The following DOCK9 variants were observed in gnomAD, a reference collection of about 807,000 sequenced individuals.
The protein encoded by DOCK9 is dedicator of cytokinesis protein 9.
In DOCK9, 89 loss-of-function variants were observed where a neutral mutation model predicts 263.3. The observed-to-expected ratio is 0.34, with a 90% CI of 0.28 to 0.40. The LOEUF is 0.40. DOCK9 is among the 10% of genes least tolerant of loss of function. The pLI is 1.00. For missense variants in DOCK9, 2,140 were observed against 2,603.4 expected, an observed-to-expected ratio of 0.82 and a Z score of 3.87; for synonymous variants, 976 against 973.1, an observed-to-expected ratio of 1.00 and a Z score of -0.06.
chr13:98,917,114 C>G (rs1374690976), intron 7 of DOCK9, among the ~76,000 whole-genome samples: 1 of 152,132 alleles, frequency 6.6e-6, no homozygotes, highest in Non-Finnish European at 1.5e-5. Context: ...GAAGAGACTT[C>G]CATTGAAGTC....
chr13:99,033,596 G>T (rs772285540), intron 1 of DOCK9, among the ~76,000 whole-genome samples: 7 of 152,226 alleles, frequency 4.6e-5, no homozygotes, highest in Non-Finnish European at 8.8e-5. Flanking sequence ...TGATCGCGCA[G>T]GTGGTCTAAA....
At chr13:98,980,488 C>T (rs1302756279), upstream of DOCK9, among the ~76,000 whole-genome samples, 1 of 152,228 alleles carries the variant, frequency 6.6e-6, no homozygotes, top group Non-Finnish European at 1.5e-5. Context: ...TGCTAAAAGG[C>T]ACAATACCAA....
chr13:99,049,247 C>T (rs1276114417), intron 1 of DOCK9, among the ~76,000 whole-genome samples: 1 of 152,140 alleles, frequency 6.6e-6, no homozygotes, highest in Non-Finnish European at 1.5e-5. Flanking sequence ...ATCCACATAC[C>T]TTATCACCCC....
chr13:98,997,196 C>G (rs142056427), intron 1 of DOCK9, among the ~76,000 whole-genome samples: 355 of 152,352 alleles, frequency 2.3e-3, no homozygotes, highest in African/African-American at 7.9e-3. Context: ...TGTCTGCTGC[C>G]TGCAGGCCCA....
rs1441148441 is a variant in DOCK9, at chr13:98,962,245, TA to T, written c.127-6695del. Reference sequence around the variant, plus strand: ...GGAGGTGTATCTAGAGGTTCATTGATAAAAATGTGTTGTTTCCCTGGATTTC... The same window carrying T: ...GGAGGTGTATCTAGAGGTTCATTGATAAAATGTGTTGTTTCCCTGGATTTC... On this transcript the variant is annotated intron_variant, in intron 1 of 52. Coordinates refer to ENST00000682017, the MANE Select transcript of DOCK9 (RefSeq NM_001366683.2). Among the ~76,000 whole-genome samples, 8 of 152,350 alleles carry T rather than the reference TA, an allele frequency of 5.3e-5. No individual in the cohort carries two copies. In the East Asian group the frequency reaches 1.5e-3, roughly 29 times the overall value.
intron 1 of DOCK9, among the ~76,000 whole-genome samples, chr13:98,991,246 A>G (rs532807166): frequency 2.0e-5 from 3 of 152,088 alleles, no homozygotes; most frequent in Non-Finnish European, 4.4e-5. Context: ...TGATTTTCGT[A>G]TTTTTAGTAG....
intron 3 of DOCK9, among the ~76,000 whole-genome samples, chr13:98,928,857 T>TC (rs2053465822): frequency 6.6e-6 from 1 of 152,164 alleles, no homozygotes; most frequent in Admixed American, 6.5e-5. Context: ...CTGGCTGTAT[T>TC]TGTCTGGAAT....
chr13:98,885,859 A>C, intron 19 of DOCK9, 28 bp from the exon 20 acceptor site: 2 of 1,583,028 alleles, frequency 1.3e-6, no homozygotes, highest in Non-Finnish European at 1.7e-6. Flanking sequence ...ATAACAACAA[A>C]ATATTCTAAA....
At chr13:98,822,346 T>C (rs1180360898) in intron 45 of DOCK9, among the ~76,000 whole-genome samples, 1 of 152,220 alleles carries the variant, frequency 6.6e-6, no homozygotes, top group African/African-American at 2.4e-5. Flanking sequence ...AATAACTATC[T>C]CAGCCTGTTA....
chr13:99,011,893 C>T (rs1884551013), intron 1 of DOCK9, among the ~76,000 whole-genome samples: 1 of 152,174 alleles, frequency 6.6e-6, no homozygotes, highest in Non-Finnish European at 1.5e-5. Flanking sequence ...GCAATCACAG[C>T]TCACTGTGGC....
Position 98,930,331 on chromosome 13 carries a change from T to C in DOCK9, c.244-74A>G, listed in dbSNP as rs1016363333. 38 of 1,307,904 alleles carry C rather than the reference T, an allele frequency of 2.9e-5. No individual in the cohort carries two copies. In the Admixed American group the frequency reaches 5.9e-4, roughly 20 times the overall value. The allele number at this position is 1,307,904 out of a possible 1,614,324, so 81.0% of individuals were successfully genotyped here. On this transcript the variant is annotated intron_variant, in intron 2 of 52. Transcript: ENST00000682017. The stretch of plus-strand genomic sequence containing the variant: ...GTGCCAGCCTCAGAGTGCAGCTGTG[T>C]GCCCTGCAGCTGGCCCTGGCAGCCA...
At chr13:98,887,141 ATATTTTTTTTTTT>A (rs1239753191) in intron 18 of DOCK9, among the ~76,000 whole-genome samples, 1,753 of 59,600 alleles carry the variant, frequency 0.029, 33 homozygotes, top group African/African-American at 0.034. Context: ...ATATATATAT[ATATTTTTTTTTTT>A]TTTTTTTTTT....
chr13:98,794,800 C>G, intron 52 of DOCK9, 52 bp from the exon 53 acceptor site: 1 of 1,597,938 alleles, frequency 6.3e-7, no homozygotes, highest in Non-Finnish European at 8.6e-7. Flanking sequence ...TTACCATATG[C>G]AATGCCATGT....
rs1349186149 is a variant in DOCK9, at chr13:98,829,100, A to T, written c.4965+207T>A. On this transcript the variant is annotated intron_variant, in intron 43 of 52. Transcript: ENST00000682017. This position sits in a 1 kb window ranked among gnomAD's most constrained non-coding sequence, Gnocchi z 4.1. ...AGCTTAAACAATGCTCTTTGTTGAC[A>T]AAAATAACCCCTTACAATTTGTTTT... Among the ~76,000 whole-genome samples the T allele has an allele frequency of 6.6e-6, 1 of 152,226 alleles. No homozygotes were observed. The highest frequency in any genetic ancestry group is 2.4e-5 in the African/African-American group (1 of 41,462).
At chr13:98,805,769 AT>A (rs143497622) in intron 48 of DOCK9, among the ~76,000 whole-genome samples, 2 of 151,046 alleles carry the variant, frequency 1.3e-5, no homozygotes, top group Non-Finnish European at 1.5e-5. Context: ...GAATTATTTT[AT>A]TTTTTTTTGA....
chr13:98,989,013 C>T (rs1309140020), intron 1 of DOCK9, among the ~76,000 whole-genome samples: 2 of 152,204 alleles, frequency 1.3e-5, no homozygotes, highest in East Asian at 1.9e-4. Context: ...TTCCTCACCA[C>T]TCCCTGCCTC....
chr13:99,086,983 G>C (rs1223848537), upstream of DOCK9, among the ~76,000 whole-genome samples: 1 of 152,112 alleles, frequency 6.6e-6, no homozygotes, highest in African/African-American at 2.4e-5. Context: ...TCCTGCCCAG[G>C]GAGCCCGGCT....
intron 1 of DOCK9, among the ~76,000 whole-genome samples, chr13:99,068,745 G>C (rs1367752415): frequency 6.6e-6 from 1 of 151,530 alleles, no homozygotes; most frequent in East Asian, 1.9e-4. Context: ...ATTCTTATAA[G>C]AATAGCGAAG....
At position 98,902,494 on chromosome 13, in the gene DOCK9, G is replaced by A; in HGVS notation, c.1177-3C>T. On this transcript the variant is annotated splice_polypyrimidine_tract_variant and splice_region_variant and intron_variant, in intron 11 of 52. Coordinates refer to ENST00000682017, the MANE Select transcript of DOCK9 (RefSeq NM_001366683.2). The stretch of plus-strand genomic sequence containing the variant: ...AGAGTAACAAAGAAAGGTTCAACCT[G>A]AACAAAACAAAACAATCCAATGATC... 6.2e-7 allele frequency: 1 copy of A among 1,612,734 alleles called. No individual in the cohort carries two copies. The highest frequency in any genetic ancestry group is 8.5e-7 in the Non-Finnish European group (1 of 1,179,350).
Sources: gnomAD v4.1 joint callset for allele counts (sites outside exome capture counted in the v4.1 genomes callset) on GRCh38, gnomAD v4.1.1 for gene constraint, Gnocchi (gnomAD v3.1) non-coding constraint, MANE v1.5 for transcripts, NCBI Gene and HGNC (gene_info 2026-07-23, HGNC 2026-07-21) for gene names.